Variants in PTPN4 observed in about 807,000 individuals in gnomAD.
The protein encoded by PTPN4 is protein tyrosine phosphatase non-receptor type 4.
In PTPN4, 49 loss-of-function variants were observed where a neutral mutation model predicts 135.5. The ratio of observed to expected loss-of-function variants is 0.36; its 90% CI spans 0.29 to 0.46. PTPN4 has a LOEUF of 0.46. Among genes scored for constraint, PTPN4 ranks in the 20% least tolerant of loss-of-function variants. The pLI is 1.00. For synonymous variants in PTPN4, 333 were observed against 369.9 expected, an observed-to-expected ratio of 0.90 and a Z score of 1.14; for missense variants, 860 against 1,101.0, an observed-to-expected ratio of 0.78 and a Z score of 3.10.
chr2:119,919,732 A>G (rs1678709743), intron 11 of PTPN4, among the ~76,000 whole-genome samples: 1 of 151,754 alleles, frequency 6.6e-6, no homozygotes, highest in Non-Finnish European at 1.5e-5. Flanking sequence ...GCTGAGGCAC[A>G]AGAATCACTT....
In PTPN4 at chr2:119,882,590, A is replaced by G; in HGVS notation, c.554A>G (p.Glu185Gly). The G allele has an allele frequency of 1.3e-6, 2 of 1,562,962 alleles. No homozygotes were observed. The highest frequency in any genetic ancestry group is 1.7e-6 in the Non-Finnish European group (2 of 1,145,954). The part of the protein sequence containing the change: ...SFIPNQPQDF[E>G]KEIAKLHQQH... Reference sequence around the variant, plus strand: ...ATTCCTAATCAACCTCAAGATTTTGAAAAAGAAATTGCAAAATTACATCAG... The same window carrying G: ...ATTCCTAATCAACCTCAAGATTTTGGAAAAGAAATTGCAAAATTACATCAG... The change falls in exon 8 of 27, where the codon GAA (glutamate) becomes GGA (glycine). Residue 185 changes from glutamate to glycine, a missense_variant. Physicochemically the swap from Glu to Gly is moderately conservative, Grantham distance 98. This residue lies in a region of PTPN4 where 684 missense variants were observed against 807.0 expected (regional missense o/e 0.85). Transcript: ENST00000263708.
Position 119,939,650 on chromosome 2 carries a change from C to G in PTPN4, c.1355+4692C>G, listed in dbSNP as rs150404127. On this transcript the variant is annotated intron_variant, in intron 15 of 26. Coordinates refer to ENST00000263708, the MANE Select transcript of PTPN4 (RefSeq NM_002830.4). ...GTTCCCCGAGCCATTCTTTCCTGGACTATTCCATTCTAGTCTTATCTAATG... is the reference window on the plus strand; with the variant it reads ...GTTCCCCGAGCCATTCTTTCCTGGAGTATTCCATTCTAGTCTTATCTAATG... Among the ~76,000 whole-genome samples the G allele has an allele frequency of 3.6e-3, 550 of 152,228 alleles. 3 individuals carry two copies. Among genetic ancestry groups the G allele is most frequent in the African/African-American group, 0.013 (528 of 41,532 alleles).
intron 3 of PTPN4, among the ~76,000 whole-genome samples, chr2:119,876,374 T>G (rs1299886050): frequency 6.6e-6 from 1 of 152,146 alleles, no homozygotes; most frequent in Non-Finnish European, 1.5e-5. Flanking sequence ...AATTGATAAA[T>G]TCTAGATACA....
intron 1 of PTPN4, among the ~76,000 whole-genome samples, chr2:119,776,627 ATCT>A (rs1574327709): frequency 6.6e-6 from 1 of 152,138 alleles, no homozygotes; most frequent in East Asian, 1.9e-4. Context: ...AGCAACACCA[ATCT>A]TTCCTCTTCC....
intron 2 of PTPN4, among the ~76,000 whole-genome samples, chr2:119,816,398 C>G (rs1176181850): frequency 6.6e-6 from 1 of 151,996 alleles, no homozygotes; most frequent in Non-Finnish European, 1.5e-5. Flanking sequence ...AAAAATAAAT[C>G]AAAAATCAAA....
intron 1 of PTPN4, among the ~76,000 whole-genome samples, chr2:119,799,699 A>C (rs1432671370): frequency 6.6e-6 from 1 of 152,184 alleles, no homozygotes; most frequent in African/African-American, 2.4e-5. Context: ...TGGGGTTTAT[A>C]ATTCCAAAAC....
chr2:119,892,119 C>T (rs1678249259), intron 9 of PTPN4, among the ~76,000 whole-genome samples: 1 of 152,078 alleles, frequency 6.6e-6, no homozygotes, highest in Non-Finnish European at 1.5e-5. Flanking sequence ...TATAAATGAA[C>T]AATTATGGGT....
chr2:119,877,153 T>C (rs1194432557), intron 3 of PTPN4, among the ~76,000 whole-genome samples, 170 bp from the exon 4 acceptor site: 1 of 151,982 alleles, frequency 6.6e-6, no homozygotes, highest in Non-Finnish European at 1.5e-5. Context: ...CATAATTTTA[T>C]TACATTTGAT....
intron 1 of PTPN4, among the ~76,000 whole-genome samples, chr2:119,797,462 A>G (rs1691282265): frequency 1.3e-5 from 2 of 152,174 alleles, no homozygotes; most frequent in Admixed American, 6.5e-5. Flanking sequence ...AAGTAGATGG[A>G]CATCTTTGTT....
chr2:119,927,781 A>T (rs945800146), intron 13 of PTPN4, among the ~76,000 whole-genome samples: 1 of 152,210 alleles, frequency 6.6e-6, no homozygotes, highest in African/African-American at 2.4e-5. Context: ...TTTAATAAAG[A>T]GAACTAGAAA....
At chr2:119,965,260 T>C (rs1558777054) in intron 24 of PTPN4, among the ~76,000 whole-genome samples, 1 of 152,098 alleles carries the variant, frequency 6.6e-6, no homozygotes, top group Non-Finnish European at 1.5e-5. Context: ...TGTAGAGCAG[T>C]TAAGGGGAAC....
chr2:119,818,028 C>A (rs1249503282), intron 2 of PTPN4, among the ~76,000 whole-genome samples: 1 of 152,134 alleles, frequency 6.6e-6, no homozygotes. Context: ...TGAGACTTTG[C>A]TGAAGTTGTT....
chr2:119,773,189 TATA>T (rs1296684816), intron 1 of PTPN4, among the ~76,000 whole-genome samples: 1 of 152,220 alleles, frequency 6.6e-6, no homozygotes, highest in Non-Finnish European at 1.5e-5. Context: ...CTTACTAATT[TATA>T]ATATCGTAGA....
intron 2 of PTPN4, among the ~76,000 whole-genome samples, chr2:119,811,269 T>G (rs961750881): frequency 2.0e-5 from 3 of 152,192 alleles, no homozygotes; most frequent in Admixed American, 6.5e-5. Flanking sequence ...CAGTTTAAGC[T>G]TAAAATTTTC....
At chr2:119,859,260 T>G (rs528758797) in intron 2 of PTPN4, among the ~76,000 whole-genome samples, 1 of 152,326 alleles carries the variant, frequency 6.6e-6, no homozygotes, top group East Asian at 1.9e-4. Context: ...ATCTGTTGAT[T>G]GTGTTTTCTT....
chr2:119,881,149 C>T (rs902425872), intron 5 of PTPN4, among the ~76,000 whole-genome samples: 2 of 152,180 alleles, frequency 1.3e-5, no homozygotes, highest in African/African-American at 2.4e-5. Flanking sequence ...GCAATGACAG[C>T]AGGCTTGTTA....
intron 2 of PTPN4, among the ~76,000 whole-genome samples, chr2:119,849,392 C>G (rs1394699208): frequency 6.6e-6 from 1 of 152,168 alleles, no homozygotes; most frequent in Admixed American, 6.5e-5. Flanking sequence ...GCCTCAACCT[C>G]CCAGACTCAG....
rs781152477 is a variant in PTPN4, at chr2:119,934,803, A to C, written c.1200A>C (p.Arg400=). The C allele has an allele frequency of 9.9e-6, 16 of 1,613,422 alleles. No individual in the cohort carries two copies. In the South Asian group the frequency reaches 1.4e-4, roughly 14 times the overall value. ...GTTTTTCTCCCTCTTTATTTAGTCG[A>C]AATTCTACATTCACGCAGGAAGGAA... ...SRSPPGTPNH[R]NSTFTQEGTR... Residue 400 remains arginine, a synonymous_variant, in exon 15 of 27, where the codon CGA becomes CGC. Transcript: ENST00000263708.
chr2:119,947,513 T>G (rs1469429818), intron 18 of PTPN4, among the ~76,000 whole-genome samples: 4 of 152,128 alleles, frequency 2.6e-5, no homozygotes, highest in Non-Finnish European at 4.4e-5. Context: ...ATACATCAGA[T>G]AGCTATTGAG....
Sources: gnomAD v4.1 joint callset for allele counts (sites outside exome capture counted in the v4.1 genomes callset) on GRCh38, gnomAD v4.1.1 for gene constraint, gnomAD v4.1.1 regional missense constraint, MANE v1.5 for transcripts, NCBI Gene and HGNC (gene_info 2026-07-23, HGNC 2026-07-21) for gene names.